CAPN13: variants seen among roughly 807,000 people sequenced by gnomAD.
The protein encoded by CAPN13 is calpain 13.
In CAPN13, 90 loss-of-function variants were observed where a neutral mutation model predicts 98.4. The ratio of observed to expected loss-of-function variants is 0.92; its 90% confidence interval spans 0.77 to 1.09. CAPN13 has a LOEUF of 1.09. Ranked by LOEUF, CAPN13 falls within the 50% of genes least tolerant of loss-of-function variation. The pLI, the probability that CAPN13 is intolerant of heterozygous loss-of-function variation, is 0.00. For missense variants in CAPN13, 887 were observed against 841.3 expected, an observed-to-expected ratio of 1.05 and a Z score of -0.67; for synonymous variants, 330 against 305.5, an observed-to-expected ratio of 1.08 and a Z score of -0.84.
intron 4 of CAPN13, among the ~76,000 whole-genome samples, chr2:30,773,245 G>A (rs920768936): frequency 6.6e-6 from 1 of 152,186 alleles, no homozygotes; most frequent in African/African-American, 2.4e-5. Context: ...ACGAAACAAT[G>A]TTTACAGACT....
intron 2 of CAPN13, among the ~76,000 whole-genome samples, chr2:30,786,729 G>T (rs17010286): frequency 6.6e-6 from 1 of 151,936 alleles, no homozygotes; most frequent in African/African-American, 2.4e-5. Context: ...AATTCTAACA[G>T]GGAAGGAAAA....
rs190665400 is a variant in CAPN13, at chr2:30,740,675, G to T, written c.1536+1233C>A. Among the ~76,000 whole-genome samples, 11 of 152,344 alleles carry T rather than the reference G, an allele frequency of 7.2e-5. No individual in the cohort carries two copies. In the East Asian group the frequency reaches 1.7e-3, roughly 24 times the overall value. On this transcript the variant is annotated intron_variant, in intron 15 of 22. Transcript: ENST00000295055. The stretch of plus-strand genomic sequence containing the variant: ...TCTTATTCCCACGAAGGCCCCCTAT[G>T]GGCCACCAGTCACCCTCTATGAGGA...
intron 1 of CAPN13, among the ~76,000 whole-genome samples, chr2:30,790,882 G>A (rs958976541): frequency 1.3e-5 from 2 of 152,164 alleles, no homozygotes; most frequent in Non-Finnish European, 2.9e-5. Flanking sequence ...GTGGAGGGTG[G>A]GGAAGAGATC....
chr2:30,751,134 G>C lies in CAPN13; in HGVS notation c.1205C>G (p.Ala402Gly). ...CACTTGGAAATCGAGTGGAAATTTT[G>C]CATCTTCTGCTTTCAAATTTGATGG... The part of the protein sequence containing the change: ...VTPSNLKAED[A>G]KFPLDFQVIL... Residue 402 changes from alanine to glycine, a missense_variant, in exon 11 of 23, where the codon GCA becomes GGA. Ala to Gly is a moderately conservative substitution (Grantham distance 60). Transcript: ENST00000295055. 1 of 1,613,860 alleles carries C rather than the reference G, an allele frequency of 6.2e-7. No individual in the cohort carries two copies. Among genetic ancestry groups the C allele is most frequent in the Non-Finnish European group, 8.5e-7 (1 of 1,179,830 alleles).
chr2:30,745,697 A>G, intron 12 of CAPN13, 26 bp downstream of exon 12: 2 of 1,596,214 alleles, frequency 1.3e-6, no homozygotes, highest in Non-Finnish European at 8.5e-7. Context: ...GCAGAGGCGC[A>G]GGGCAAGGAC....
At chr2:30,779,382 A>C (rs2148056824) in intron 2 of CAPN13, among the ~76,000 whole-genome samples, 1 of 152,356 alleles carries the variant, frequency 6.6e-6, no homozygotes, top group Admixed American at 6.5e-5. Flanking sequence ...ATGTAAAGAC[A>C]GTTGAGAGAA....
At chr2:30,754,017 G>T (rs114993662) in intron 9 of CAPN13, among the ~76,000 whole-genome samples, 26 of 152,282 alleles carry the variant, frequency 1.7e-4, no homozygotes, top group African/African-American at 6.0e-4. Context: ...GGAAACCACA[G>T]ATTTCAAGCC....
At chr2:30,780,514 TACA>T (rs535060162) in intron 2 of CAPN13, among the ~76,000 whole-genome samples, 8 of 152,324 alleles carry the variant, frequency 5.3e-5, no homozygotes, top group South Asian at 4.1e-4. Context: ...TTGATAAACA[TACA>T]ACAACTTTTC....
rs189772213 is a variant in CAPN13 at position 30,731,950 on chromosome 2, G to A, written c.1927+488C>T. Among the ~76,000 whole-genome samples the A allele has an allele frequency of 4.0e-4, 61 of 152,244 alleles. No individual in the cohort carries two copies. The South Asian group carries it at 5.2e-3, about 13-fold the overall frequency. On this transcript the variant is annotated intron_variant, in intron 20 of 22. Transcript: ENST00000295055. The stretch of plus-strand genomic sequence containing the variant: ...AATCATGGTGGCCCCACTGTGGCCC[G>A]ACTGTGGCTCGGGGTTTCACACTAG...
In CAPN13 at chr2:30,753,074, C is replaced by A. The variant is rs1473323199; in HGVS notation, c.1066G>T (p.Val356Leu). The A allele has an allele frequency of 2.5e-6, 4 of 1,613,908 alleles. No homozygotes were observed. The highest frequency in any genetic ancestry group is 3.4e-6 in the Non-Finnish European group (4 of 1,179,882). ...GWSQIMFRKQ[V>L]ILGNTAGGPR... ...TTACCTGCAGTGTTTCCTAGAATCA[C>A]TTGCTTCCTAAACATTATTTGGGAC... Residue 356 changes from valine to leucine, a missense_variant, in exon 10 of 23, where the codon GTG (valine) becomes TTG (leucine). Transcript: ENST00000295055.
intron 2 of CAPN13, among the ~76,000 whole-genome samples, chr2:30,779,410 C>G (rs1673873916): frequency 6.6e-6 from 1 of 152,204 alleles, no homozygotes; most frequent in Non-Finnish European, 1.5e-5. Flanking sequence ...ACGATGCAAT[C>G]AAGGCAATGG....
At chr2:30,776,610 T>C (rs115466361) in intron 3 of CAPN13, among the ~76,000 whole-genome samples, 4,054 of 152,308 alleles carry the variant, frequency 0.027, 65 homozygotes, top group Middle Eastern at 0.058. Context: ...TTCTTTGCTG[T>C]TAGCTCAGCC....
chr2:30,735,911 A>G (rs1404714193), intron 18 of CAPN13, among the ~76,000 whole-genome samples: 1 of 152,084 alleles, frequency 6.6e-6, no homozygotes, highest in Non-Finnish European at 1.5e-5. Context: ...GGGTGCAGGG[A>G]GGGGAGAGGC....
At chr2:30,782,480 C>T (rs552731684) in intron 2 of CAPN13, among the ~76,000 whole-genome samples, 1 of 152,310 alleles carries the variant, frequency 6.6e-6, no homozygotes, top group South Asian at 2.1e-4. Context: ...CCTTATGGAA[C>T]ATTTTCATAA....
chr2:30,759,008 T>G (rs1672648994), intron 7 of CAPN13, among the ~76,000 whole-genome samples: 1 of 118,026 alleles, frequency 8.5e-6, no homozygotes. Context: ...TCCTTTTCCC[T>G]TCCCTGCTCC....
chr2:30,726,754 A>G (rs1670870878), intron 22 of CAPN13, among the ~76,000 whole-genome samples: 1 of 152,176 alleles, frequency 6.6e-6, no homozygotes, highest in African/African-American at 2.4e-5. Context: ...CATGGAACAA[A>G]AGATTTTATA....
chr2:30,744,202 C>T (rs1671798540), intron 12 of CAPN13, among the ~76,000 whole-genome samples: 1 of 152,202 alleles, frequency 6.6e-6, no homozygotes, highest in African/African-American at 2.4e-5. Context: ...CCACTATAGT[C>T]AAGCATAGGG....
intron 22 of CAPN13, among the ~76,000 whole-genome samples, chr2:30,724,762 G>A (rs1370827747): frequency 6.6e-6 from 1 of 152,186 alleles, no homozygotes; most frequent in East Asian, 1.9e-4. Context: ...AGTTTAACTT[G>A]AACTCTGACA....
chr2:30,766,401 C>T (rs1308274201), intron 5 of CAPN13, among the ~76,000 whole-genome samples: 1 of 152,212 alleles, frequency 6.6e-6, no homozygotes, highest in East Asian at 1.9e-4. Context: ...TCTCTTACTA[C>T]GTATCCACAA....
Sources: allele counts gnomAD v4.1 joint callset (sites outside exome capture counted in the v4.1 genomes callset), GRCh38; gene constraint gnomAD v4.1.1; transcripts MANE v1.5; gene names NCBI Gene and HGNC (gene_info 2026-07-23, HGNC 2026-07-21).